GRM8: variants seen among roughly 807,000 people sequenced by gnomAD.
GRM8 encodes the protein glutamate metabotropic receptor 8.
GRM8 carries 47 observed loss-of-function variants against 87.2 expected under a neutral mutation model. The observed-to-expected ratio is 0.54, with a 90% CI of 0.43 to 0.69. The LOEUF (loss-of-function observed/expected upper bound fraction) is 0.69, where lower values mean the gene tolerates loss of function less well. Among genes scored for constraint, GRM8 ranks in the 30% least tolerant of loss-of-function variants. GRM8 has a pLI of 0.00. For synonymous variants in GRM8, 396 were observed against 404.5 expected, an observed-to-expected ratio of 0.98 and a Z score of 0.25; for missense variants, 1,019 against 1,139.2, an observed-to-expected ratio of 0.89 and a Z score of 1.52.
chr7:126,893,490 C>G (rs1426993304), intron 6 of GRM8, among the ~76,000 whole-genome samples: 2 of 151,920 alleles, frequency 1.3e-5, no homozygotes, highest in Non-Finnish European at 1.5e-5. Flanking sequence ...AAATATTTAT[C>G]AAATGCATGC....
rs1350281957 is a variant in GRM8, at chr7:126,871,538, GC to G, written c.1156+31003del. Among the ~76,000 whole-genome samples, 4 of 152,236 alleles carry G rather than the reference GC, an allele frequency of 2.6e-5. No individual in the cohort carries two copies. The East Asian group carries it at 7.7e-4, about 29-fold the overall frequency. On this transcript the variant is annotated intron_variant, in intron 6 of 10. Transcript: ENST00000339582. Reference sequence around the variant, plus strand: ...TGTGTGCACTGGTTCAGGGAACAAGGCAGAAGAAAGAAGAGGAAAAGGCTCC... The same window carrying G: ...TGTGTGCACTGGTTCAGGGAACAAGGAGAAGAAAGAAGAGGAAAAGGCTCC...
chr7:126,550,812 A>T (rs1162056781), intron 8 of GRM8, among the ~76,000 whole-genome samples: 1 of 151,880 alleles, frequency 6.6e-6, no homozygotes, highest in Non-Finnish European at 1.5e-5. Context: ...ATAATTAATA[A>T]TAAAAGACTT....
intron 3 of GRM8, among the ~76,000 whole-genome samples, chr7:127,030,088 C>T (rs1817208917): frequency 6.6e-6 from 1 of 152,038 alleles, no homozygotes. Context: ...GAAGGCAGCA[C>T]CCTCTCTGCT....
rs1419652602 is a variant in GRM8 at position 126,939,843 on chromosome 7, T to C, written c.728-35160A>G. 3.3e-5 allele frequency among the ~76,000 whole-genome samples: 5 copies of C among 152,208 alleles called. No homozygotes were observed. In the East Asian group the frequency reaches 7.7e-4, roughly 23 times the overall value. On this transcript the variant is annotated intron_variant, in intron 3 of 10. Coordinates refer to ENST00000339582, the MANE Select transcript of GRM8 (RefSeq NM_000845.3). ...TTGCATGAGATTGCATCCACAACAT[T>C]GTTTCTTATTAGTGTCACATTCTGT...
At chr7:126,667,122 G>A (rs976261636) in intron 7 of GRM8, among the ~76,000 whole-genome samples, 1 of 152,102 alleles carries the variant, frequency 6.6e-6, no homozygotes, top group East Asian at 1.9e-4. Flanking sequence ...ACTGTCCTAG[G>A]AACTTAGCAT....
At chr7:127,158,111 C>A (rs1792855516) in intron 2 of GRM8, among the ~76,000 whole-genome samples, 1 of 152,094 alleles carries the variant, frequency 6.6e-6, no homozygotes, top group Non-Finnish European at 1.5e-5. Context: ...AAAAAAATTA[C>A]AAGATAGCAA....
intron 7 of GRM8, among the ~76,000 whole-genome samples, chr7:126,729,482 A>G (rs1056478695): frequency 6.6e-6 from 1 of 152,178 alleles, no homozygotes; most frequent in African/African-American, 2.4e-5. Flanking sequence ...CCAGTTGCCC[A>G]TATCCTATAT....
intron 7 of GRM8, among the ~76,000 whole-genome samples, chr7:126,649,219 G>A (rs1438658405): frequency 6.6e-6 from 1 of 152,156 alleles, no homozygotes; most frequent in Non-Finnish European, 1.5e-5. Flanking sequence ...GTGGGTCTGT[G>A]AGGGTGTTGC....
chr7:127,203,253 A>G (rs1354139270), intron 2 of GRM8, among the ~76,000 whole-genome samples: 1 of 152,216 alleles, frequency 6.6e-6, no homozygotes, highest in Non-Finnish European at 1.5e-5. Context: ...TGGATGTAAA[A>G]ATGGAAACAG....
At chr7:126,651,104 G>A (rs963201952) in intron 7 of GRM8, among the ~76,000 whole-genome samples, 4 of 152,144 alleles carry the variant, frequency 2.6e-5, no homozygotes, top group Admixed American at 2.0e-4. Context: ...CTCCAGATAT[G>A]AGTTTGCCTG....
intron 9 of GRM8, among the ~76,000 whole-genome samples, chr7:126,528,630 G>GTGTGTGTGTA (rs1814303527): frequency 6.6e-6 from 1 of 151,910 alleles, no homozygotes; most frequent in Admixed American, 6.6e-5. Context: ...GTGTGTGTGT[G>GTGTGTGTGTA]TGTGTGTGTG....
intron 3 of GRM8, chr7:126,981,629 A>G (rs1258258672): frequency 6.6e-6 from 1 of 152,144 alleles, no homozygotes; most frequent in East Asian, 1.9e-4. Flanking sequence ...TGAGCCAATC[A>G]CCTCTTAAAG....
At chr7:126,712,654 G>A (rs539964756) in intron 7 of GRM8, among the ~76,000 whole-genome samples, 11 of 152,232 alleles carry the variant, frequency 7.2e-5, no homozygotes, top group East Asian at 5.8e-4. Context: ...TCATCAGAGT[G>A]AACAGGCAAC....
At chr7:127,084,975 A>C (rs1271407852) in intron 3 of GRM8, among the ~76,000 whole-genome samples, 1 of 152,074 alleles carries the variant, frequency 6.6e-6, no homozygotes, top group Non-Finnish European at 1.5e-5. Context: ...CCCTCCACCT[A>C]CTGACAGACC....
chr7:127,197,485 T>A (rs185008512), intron 2 of GRM8, among the ~76,000 whole-genome samples: 1 of 152,290 alleles, frequency 6.6e-6, no homozygotes, highest in East Asian at 1.9e-4. Context: ...TTTTTCCTAC[T>A]GTGCTTCACA....
At chr7:127,047,362 G>C (rs917562844) in intron 3 of GRM8, among the ~76,000 whole-genome samples, 1 of 152,092 alleles carries the variant, frequency 6.6e-6, no homozygotes, top group Non-Finnish European at 1.5e-5. Context: ...TGAGGGGTTA[G>C]TGAATAAGCA....
At chr7:126,477,631 GAAAGAAAA>G (rs1452883613) in intron 9 of GRM8, among the ~76,000 whole-genome samples, 9 of 129,358 alleles carry the variant, frequency 7.0e-5, no homozygotes, top group African/African-American at 1.5e-4. Flanking sequence ...AAGAAAGAAA[GAAAGAAAA>G]AACGAAAGAG....
chr7:126,775,479 G>GTTTTTTTTTTTTTTTTTTTTTTT (rs372733476), intron 6 of GRM8, among the ~76,000 whole-genome samples: 1 of 104,748 alleles, frequency 9.5e-6, no homozygotes, highest in African/African-American at 4.3e-5. Flanking sequence ...TGACAAATAG[G>GTTTTTTTTTTTTTTTTTTTTTTT]TTTTTTTTTT....
Position 127,239,548 on chromosome 7 carries a change from T to A in GRM8, c.510+3147A>T, listed in dbSNP as rs142049830. On this transcript the variant is annotated intron_variant, in intron 2 of 10. Coordinates refer to ENST00000339582, the MANE Select transcript of GRM8 (RefSeq NM_000845.3). ...CTTACTTTTACTCAAGTCATAACCTTTGGAAAATTAGTATTTAAGAAAAGT... is the reference window on the plus strand; with the variant it reads ...CTTACTTTTACTCAAGTCATAACCTATGGAAAATTAGTATTTAAGAAAAGT... Among the ~76,000 whole-genome samples the A allele has an allele frequency of 2.0e-3, 308 of 152,338 alleles. 3 individuals are homozygous for A. The highest frequency in any genetic ancestry group is 7.0e-3 in the African/African-American group (293 of 41,586).
Sources: allele counts gnomAD v4.1 joint callset (sites outside exome capture counted in the v4.1 genomes callset), GRCh38; gene constraint gnomAD v4.1.1; transcripts MANE v1.5; gene names NCBI Gene and HGNC (gene_info 2026-07-23, HGNC 2026-07-21).